SOX12: variants seen among roughly 807,000 people sequenced by gnomAD.
SOX12 encodes SRY-box transcription factor 12, also known as transcription factor SOX-12.
Under a neutral mutation model 21.5 loss-of-function variants are expected in SOX12, and 8 were observed. The observed-to-expected ratio is 0.37, with a 90% confidence interval of 0.22 to 0.67. The LOEUF (loss-of-function observed/expected upper bound fraction) is 0.67, where lower values mean the gene tolerates loss of function less well. SOX12 is among the 30% of genes least tolerant of loss of function. SOX12 has a pLI of 0.56. For synonymous variants in SOX12, 235 were observed against 224.2 expected, an observed-to-expected ratio of 1.05 and a Z score of -0.43; for missense variants, 400 against 482.6, an observed-to-expected ratio of 0.83 and a Z score of 1.60.
chr20:326,986 C>G lies in SOX12; in HGVS notation c.*114C>G, dbSNP rs2013108590. 1 of 971,888 alleles carries G rather than the reference C, an allele frequency of 1.0e-6. No homozygotes were observed. The highest frequency in any genetic ancestry group is 1.7e-6 in the Non-Finnish European group (1 of 604,808). The allele number at this position is 971,888 out of a possible 1,614,324, so 60.2% of individuals were successfully genotyped here. ...CACCCCATCTCCCGCGCAGCCTGCC[C>G]CCTCCTGGACGTGCCCATCCCCCCT... On this transcript the variant is annotated 3_prime_UTR_variant, in exon 1 of 1. Coordinates refer to ENST00000342665, the MANE Select transcript of SOX12 (RefSeq NM_006943.4). The surrounding 1 kb of genome is among the most constrained non-coding windows in gnomAD (Gnocchi z 9.9).
rs1047527 is a variant in SOX12, at chr20:328,332, C to T, written c.*1460C>T. The T allele has an allele frequency of 8.7e-3, 1,449 of 165,856 alleles. 8 individuals carry two copies. The highest frequency in any genetic ancestry group is 0.015 in the Non-Finnish European group (1,027 of 67,748). The allele number at this position is 165,856 out of a possible 1,614,324, so 10.3% of individuals were successfully genotyped here. ...CTGTATCTCACCGGCGTGTGTTCAC[C>T]CTCCCGGGTGGCTCACACACTCTCA... On this transcript the variant is annotated 3_prime_UTR_variant, in exon 1 of 1. Coordinates refer to ENST00000342665, the MANE Select transcript of SOX12 (RefSeq NM_006943.4).
At position 326,035 on chromosome 20, in the gene SOX12, C is replaced by T. The variant is rs369922526; in HGVS notation, c.111C>T (p.Ser37=). ...AREPGWCKTP[S]GHIKRPMNAF... Reference sequence around the variant, plus strand: ...AGCCCGGCTGGTGCAAGACCCCGAGCGGCCACATCAAGAGGCCGATGAACG... The same window carrying T: ...AGCCCGGCTGGTGCAAGACCCCGAGTGGCCACATCAAGAGGCCGATGAACG... Residue 37 remains serine (S), a synonymous_variant, in exon 1 of 1, where the codon AGC becomes AGT. Coordinates refer to ENST00000342665, the MANE Select transcript of SOX12 (RefSeq NM_006943.4). The surrounding 1 kb of genome is among the most constrained non-coding windows in gnomAD (Gnocchi z 9.9). 74 of 1,587,588 alleles carry T rather than the reference C, an allele frequency of 4.7e-5. No homozygotes were observed. The highest frequency in any genetic ancestry group is 3.7e-4 in the East Asian group (16 of 42,704).
rs758639743 is a variant in SOX12, at chr20:326,306, G to T, written c.382G>T (p.Gly128Cys). The stretch of plus-strand genomic sequence containing the variant: ...CGCCAAGGCGCGGCCCCGCCCCCCC[G>T]GTGGTAGCGGTGGCGGCAGCCGGCT... ...APAKARPRPP[G>C]GSGGGSRLKP... Residue 128 changes from glycine (G) to cysteine (C), a missense_variant, in exon 1 of 1, where the codon GGT becomes TGT. Transcript: ENST00000342665. The surrounding 1 kb of genome is among the most constrained non-coding windows in gnomAD (Gnocchi z 9.9). The T allele has an allele frequency of 2.9e-6, 4 of 1,398,020 alleles. No homozygotes were observed. The highest frequency in any genetic ancestry group is 6.1e-5 in the East Asian group (2 of 32,628). The allele number at this position is 1,398,020 out of a possible 1,614,324, so 86.6% of individuals were successfully genotyped here. A position where few individuals can be genotyped will look rare whatever the true frequency, so the allele number is the denominator to read the frequency against.
In SOX12 at chr20:328,814, C is replaced by T. The variant is rs1439405584; in HGVS notation, c.*1942C>T. 6.0e-6 allele frequency: 1 copy of T among 167,210 alleles called. No homozygotes were observed. Among genetic ancestry groups the T allele is most frequent in the East Asian group, 1.9e-4 (1 of 5,202 alleles). The allele number at this position is 167,210 out of a possible 1,614,324, so 10.4% of individuals were successfully genotyped here. A position where few individuals can be genotyped will look rare whatever the true frequency, so the allele number is the denominator to read the frequency against. ...AGATTCAAGTCCGTGTGATTTGGGCCCGAGCTGGGTGTCCCAGGGCAAGCC... is the reference window on the plus strand; with the variant it reads ...AGATTCAAGTCCGTGTGATTTGGGCTCGAGCTGGGTGTCCCAGGGCAAGCC... On this transcript the variant is annotated 3_prime_UTR_variant, in exon 1 of 1. Transcript: ENST00000342665.
In SOX12 at chr20:326,877, A is replaced by G. The variant is rs1277388427; in HGVS notation, c.*5A>G. On this transcript the variant is annotated 3_prime_UTR_variant, in exon 1 of 1. Coordinates refer to ENST00000342665, the MANE Select transcript of SOX12 (RefSeq NM_006943.4). This position sits in a 1 kb window ranked among gnomAD's most constrained non-coding sequence, Gnocchi z 9.9. ...GACCTGGTTTTCACCTACTGAGCCC[A>G]CCGTCAGCGGGGCGCGCACGCCCCC... The G allele has an allele frequency of 6.2e-7, 1 of 1,612,912 alleles. No individual in the cohort carries two copies. The highest frequency in any genetic ancestry group is 1.7e-5 in the Admixed American group (1 of 60,008).
At position 326,897 on chromosome 20, in the gene SOX12, GC is replaced by G; in HGVS notation, c.*30del. On this transcript the variant is annotated 3_prime_UTR_variant, in exon 1 of 1. Transcript: ENST00000342665. The surrounding 1 kb of genome is among the most constrained non-coding windows in gnomAD (Gnocchi z 9.9). ...AGCCCACCGTCAGCGGGGCGCGCAC[GC>G]CCCCAAACCAGCTGTTTACATACAG... 6.2e-7 allele frequency: 1 copy of G among 1,610,624 alleles called. No individual in the cohort carries two copies.
chr20:325,918 A>C lies in SOX12; in HGVS notation c.-7A>C, dbSNP rs1379983363. 8.7e-7 allele frequency: 1 copy of C among 1,149,352 alleles called. No individual in the cohort carries two copies. Among genetic ancestry groups the C allele is most frequent in the East Asian group, 4.5e-5 (1 of 22,128 alleles). The allele number at this position is 1,149,352 out of a possible 1,614,324, so 71.2% of individuals were successfully genotyped here. On this transcript the variant is annotated 5_prime_UTR_variant, in exon 1 of 1. Transcript: ENST00000342665. This position sits in a 1 kb window ranked among gnomAD's most constrained non-coding sequence, Gnocchi z 5.0. ...GGCGGCGTCTAGCGGCCCCGGGCCC[A>C]GGCGCGATGGTGCAGCAGCGGGGCG...
In SOX12 at chr20:327,082, C is replaced by G; in HGVS notation, c.*210C>G. 1 of 605,168 alleles carries G rather than the reference C, an allele frequency of 1.7e-6. No individual in the cohort carries two copies. The highest frequency in any genetic ancestry group is 2.0e-5 in the South Asian group (1 of 50,876). 37.5% of individuals were successfully genotyped at this position (605,168 alleles called of 1,614,324 possible). On this transcript the variant is annotated 3_prime_UTR_variant, in exon 1 of 1. Transcript: ENST00000342665. Reference sequence around the variant, plus strand: ...CCAACCCCCACCCCTTCCCCGACACCCAAGCCCCTCCCCACGTCGCCCCCT... The same window carrying G: ...CCAACCCCCACCCCTTCCCCGACACGCAAGCCCCTCCCCACGTCGCCCCCT...
chr20:326,229 C>T lies in SOX12; in HGVS notation c.305C>T (p.Ala102Val), dbSNP rs1464492090. The change falls in exon 1 of 1, where the codon GCG (alanine) becomes GTG (valine). Residue 102 changes from alanine (A) to valine (V), a missense_variant. Transcript: ENST00000342665. This position sits in a 1 kb window ranked among gnomAD's most constrained non-coding sequence, Gnocchi z 9.9. ...EAERLRLKHMADYPDYKYRPR... is the reference protein window; with the variant it reads ...EAERLRLKHMVDYPDYKYRPR... ...GAGCGGCTGCGGCTCAAGCACATGG[C>T]GGATTACCCGGACTACAAGTACCGG... 2.5e-6 allele frequency: 4 copies of T among 1,581,508 alleles called. No individual in the cohort carries two copies. In the Admixed American group the frequency reaches 7.1e-5, roughly 28 times the overall value.
rs78980914 is a variant in SOX12, at chr20:330,121, G to C, written c.*3249G>C. On this transcript the variant is annotated 3_prime_UTR_variant, in exon 1 of 1. Coordinates refer to ENST00000342665, the MANE Select transcript of SOX12 (RefSeq NM_006943.4). ...GCAGGCCCAGGCCAGCCAGGGCTTCGTCAGGCCTGCAGCACAATTTGACTT... is the reference window on the plus strand; with the variant it reads ...GCAGGCCCAGGCCAGCCAGGGCTTCCTCAGGCCTGCAGCACAATTTGACTT... The C allele has an allele frequency of 2.4e-5, 4 of 167,290 alleles. No individual in the cohort carries two copies. The highest frequency in any genetic ancestry group is 3.4e-3 in the Middle Eastern group (1 of 298). 10.4% of individuals were successfully genotyped at this position (167,290 alleles called of 1,614,324 possible). A position where few individuals can be genotyped will look rare whatever the true frequency, so the allele number is the denominator to read the frequency against.
rs1741236026 is a variant in SOX12 at position 329,473 on chromosome 20, G to A, written c.*2601G>A. On this transcript the variant is annotated 3_prime_UTR_variant, in exon 1 of 1. Coordinates refer to ENST00000342665, the MANE Select transcript of SOX12 (RefSeq NM_006943.4). ...TTGGTTCTGCTTCCTGGTGAAGCATGGCTTCGGGGTGCTGCCTCTCCCTCC... is the reference window on the plus strand; with the variant it reads ...TTGGTTCTGCTTCCTGGTGAAGCATAGCTTCGGGGTGCTGCCTCTCCCTCC... The A allele has an allele frequency of 6.0e-6, 1 of 167,002 alleles. No individual in the cohort carries two copies. The highest frequency in any genetic ancestry group is 2.4e-5 in the African/African-American group (1 of 41,458). The allele number at this position is 167,002 out of a possible 1,614,324, so 10.3% of individuals were successfully genotyped here.
Position 326,554 on chromosome 20 carries a change from G to C in SOX12, c.630G>C (p.Gly210=). The change falls in exon 1 of 1, where the codon GGG becomes GGC. Residue 210 remains glycine (G), a synonymous_variant. Coordinates refer to ENST00000342665, the MANE Select transcript of SOX12 (RefSeq NM_006943.4). This position sits in a 1 kb window ranked among gnomAD's most constrained non-coding sequence, Gnocchi z 9.9. ...GCGCCCAAGGGCCGTCGGGCGAGGG[G>C]GCGGCCGCCGCCGCCGCCGCCTCCC... ...AERAQGPSGE[G]AAAAAAASPT... is the part of the protein sequence containing the mutation. 6.6e-7 allele frequency: 1 copy of C among 1,515,182 alleles called. No individual in the cohort carries two copies. The highest frequency in any genetic ancestry group is 8.8e-7 in the Non-Finnish European group (1 of 1,137,718). The allele number at this position is 1,515,182 out of a possible 1,614,324, so 93.9% of individuals were successfully genotyped here.
Position 326,830 on chromosome 20 carries a change from C to T in SOX12, c.906C>T (p.Asp302=). The change falls in exon 1 of 1, where the codon GAC becomes GAT. Residue 302 remains aspartate (D), a synonymous_variant. Coordinates refer to ENST00000342665, the MANE Select transcript of SOX12 (RefSeq NM_006943.4). This position sits in a 1 kb window ranked among gnomAD's most constrained non-coding sequence, Gnocchi z 9.9. ...AGGTTACCGAGATGATCGCGGGGGACTGGCGCCCGTCTAGCATCGCAGACC... is the reference window on the plus strand; with the variant it reads ...AGGTTACCGAGATGATCGCGGGGGATTGGCGCCCGTCTAGCATCGCAGACC... ...TPEVTEMIAG[D]WRPSSIADLV... 1.9e-6 allele frequency: 3 copies of T among 1,613,584 alleles called. No individual in the cohort carries two copies. Among genetic ancestry groups the T allele is most frequent in the Non-Finnish European group, 2.5e-6 (3 of 1,179,922 alleles).
rs1446707122 is a variant in SOX12 at position 326,607 on chromosome 20, A to G, written c.683A>G (p.Glu228Gly). 5 of 1,541,662 alleles carry G rather than the reference A, an allele frequency of 3.2e-6. No homozygotes were observed. The highest frequency in any genetic ancestry group is 3.5e-6 in the Non-Finnish European group (4 of 1,142,352). ...SPTPSEDEEP[E>G]EEEEEAAAAE... ...ACACCGTCGGAGGACGAGGAGCCGG[A>G]GGAAGAGGAGGAGGAGGCGGCAGCG... is the stretch of plus-strand genomic sequence containing the variant. The change falls in exon 1 of 1, where the codon GAG (glutamate) becomes GGG (glycine). Residue 228 changes from glutamate (E) to glycine (G), a missense_variant. Transcript: ENST00000342665. This position sits in a 1 kb window ranked among gnomAD's most constrained non-coding sequence, Gnocchi z 9.9.
Position 326,275 on chromosome 20 carries a change from G to A in SOX12, c.351G>A (p.Gly117=), listed in dbSNP as rs2013085467. ...ACCGGCCGCGCAAAAAGAGCAAGGG[G>A]GCGCCCGCCAAGGCGCGGCCCCGCC... ...YKYRPRKKSK[G]APAKARPRPP... is the part of the protein sequence containing the mutation. Residue 117 remains glycine (G), a synonymous_variant, in exon 1 of 1, where the codon GGG becomes GGA. Transcript: ENST00000342665. The surrounding 1 kb of genome is among the most constrained non-coding windows in gnomAD (Gnocchi z 9.9). The A allele has an allele frequency of 4.1e-6, 6 of 1,480,374 alleles. No individual in the cohort carries two copies. Among genetic ancestry groups the A allele is most frequent in the Non-Finnish European group, 5.4e-6 (6 of 1,112,736 alleles). 91.7% of individuals were successfully genotyped at this position (1,480,374 alleles called of 1,614,324 possible).
In SOX12 at chr20:326,613, A is replaced by C. The variant is rs1289066635; in HGVS notation, c.689A>C (p.Glu230Ala). 3 of 1,534,202 alleles carry C rather than the reference A, an allele frequency of 2.0e-6. No homozygotes were observed. Among genetic ancestry groups the C allele is most frequent in the East Asian group, 4.9e-5 (2 of 40,616 alleles). The change falls in exon 1 of 1, where the codon GAG becomes GCG. Residue 230 changes from glutamate to alanine, a missense_variant. By Grantham distance (107) the Glu-to-Ala change is moderately radical. Coordinates refer to ENST00000342665, the MANE Select transcript of SOX12 (RefSeq NM_006943.4). This position sits in a 1 kb window ranked among gnomAD's most constrained non-coding sequence, Gnocchi z 9.9. ...TCGGAGGACGAGGAGCCGGAGGAAG[A>C]GGAGGAGGAGGCGGCAGCGGCTGAG... is the stretch of plus-strand genomic sequence containing the variant. ...TPSEDEEPEE[E>A]EEEAAAAEEG...
chr20:326,987 C>G lies in SOX12; in HGVS notation c.*115C>G, dbSNP rs577623048. The G allele has an allele frequency of 1.2e-5, 12 of 975,018 alleles. No homozygotes were observed. Among genetic ancestry groups the G allele is most frequent in the Middle Eastern group, 2.7e-4 (1 of 3,650 alleles). The allele number at this position is 975,018 out of a possible 1,614,324, so 60.4% of individuals were successfully genotyped here. On this transcript the variant is annotated 3_prime_UTR_variant, in exon 1 of 1. Transcript: ENST00000342665. This position sits in a 1 kb window ranked among gnomAD's most constrained non-coding sequence, Gnocchi z 9.9. ...ACCCCATCTCCCGCGCAGCCTGCCC[C>G]CTCCTGGACGTGCCCATCCCCCCTC...
chr20:327,792 T>C lies in SOX12; in HGVS notation c.*920T>C, dbSNP rs1233238337. 6.0e-6 allele frequency: 1 copy of C among 167,076 alleles called. No individual in the cohort carries two copies. The highest frequency in any genetic ancestry group is 1.9e-4 in the East Asian group (1 of 5,176). 10.3% of individuals were successfully genotyped at this position (167,076 alleles called of 1,614,324 possible). ...AGAGGAAGGGACCACCCAAGAAAAC[T>C]AAAAACCAAGGCACCTTACCAGTCT... is the stretch of plus-strand genomic sequence containing the variant. On this transcript the variant is annotated 3_prime_UTR_variant, in exon 1 of 1. Transcript: ENST00000342665.
rs997794136 is a variant in SOX12 at position 328,356 on chromosome 20, C to G, written c.*1484C>G. 2.4e-5 allele frequency: 4 copies of G among 165,074 alleles called. No individual in the cohort carries two copies. Among genetic ancestry groups the G allele is most frequent in the East Asian group, 2.0e-4 (1 of 4,968 alleles). The allele number at this position is 165,074 out of a possible 1,614,324, so 10.2% of individuals were successfully genotyped here. A position where few individuals can be genotyped will look rare whatever the true frequency, so the allele number is the denominator to read the frequency against. Reference sequence around the variant, plus strand: ...CCCTCCCGGGTGGCTCACACACTCTCATTCACACACACAAATCTCAGGAAC... The same window carrying G: ...CCCTCCCGGGTGGCTCACACACTCTGATTCACACACACAAATCTCAGGAAC... On this transcript the variant is annotated 3_prime_UTR_variant, in exon 1 of 1. Coordinates refer to ENST00000342665, the MANE Select transcript of SOX12 (RefSeq NM_006943.4).
Sources: gnomAD v4.1 joint callset for allele counts on GRCh38, gnomAD v4.1.1 for gene constraint, Gnocchi (gnomAD v3.1) non-coding constraint, MANE v1.5 for transcripts, NCBI Gene and HGNC (gene_info 2026-07-23, HGNC 2026-07-21) for gene names.